SALL1: variants seen among roughly 807,000 people sequenced by gnomAD.
The protein encoded by SALL1 is spalt like transcription factor 1.
A neutral mutation model predicts 73.1 loss-of-function variants in SALL1; 10 were observed. That is an observed-to-expected ratio of 0.14 (90% CI 0.08 to 0.23). The LOEUF is 0.23. SALL1 is among the 10% of genes least tolerant of loss of function. The probability of loss-of-function intolerance (pLI) is 1.00; values close to 1 mark genes in which losing one functional copy is unlikely to be tolerated. For missense variants in SALL1, 1,520 were observed against 1,697.3 expected, an observed-to-expected ratio of 0.90 and a Z score of 1.84; for synonymous variants, 688 against 689.8, an observed-to-expected ratio of 1.00 and a Z score of 0.04.
chr16:51,150,898 C>T, intron 1 of SALL1: 1 of 371,626 alleles, frequency 2.7e-6, no homozygotes, highest in East Asian at 4.0e-5. Context: ...CCGGCATGCC[C>T]GCCCTCCTTC....
At chr16:51,142,272 C>A (rs1025824232) in intron 1 of SALL1, 127 bp from the exon 2 acceptor site, 8 of 740,206 alleles carry the variant, frequency 1.1e-5, no homozygotes, top group Admixed American at 2.2e-5. Context: ...CCCTTGAAAA[C>A]CAATCAATAT....
At position 51,136,348 on chromosome 16, in the gene SALL1, T is replaced by C. The variant is rs1962297521; in HGVS notation, c.*764A>G. 6.5e-6 allele frequency: 1 copy of C among 152,696 alleles called. No homozygotes were observed. Among genetic ancestry groups the C allele is most frequent in the Admixed American group, 6.5e-5 (1 of 15,288 alleles). 9.5% of individuals were successfully genotyped at this position (152,696 alleles called of 1,614,324 possible). ...CAGCACACATTTTCTATCGTGAATA[T>C]ACCTACAAGGCAAAATGTTACGTCT... On this transcript the variant is annotated 3_prime_UTR_variant, in exon 3 of 3. Coordinates refer to ENST00000251020, the MANE Select transcript of SALL1 (RefSeq NM_002968.3).
intron 1 of SALL1, among the ~76,000 whole-genome samples, chr16:51,144,109 A>G (rs1471183378): frequency 1.3e-5 from 2 of 152,218 alleles, no homozygotes; most frequent in Non-Finnish European, 2.9e-5. Context: ...GACAAAAATA[A>G]TGTGACAAAA....
rs79302764 is a variant in SALL1 at position 51,141,022 on chromosome 16, C to T, written c.1200G>A (p.Ser400=). Residue 400 remains serine (S), a synonymous_variant, in exon 2 of 3, where the codon TCG becomes TCA. Transcript: ENST00000251020. This position sits in a 1 kb window ranked among gnomAD's most constrained non-coding sequence, Gnocchi z 5.4. ...PLLPQQASAN[S]VFPSPLPNIG... ...TGTTGGGCAAAGGGCTGGGGAAAAC[C>T]GAGTTAGCGGAGGCTTGCTGAGGTA... The T allele has an allele frequency of 3.8e-4, 616 of 1,614,146 alleles. 4 individuals are homozygous for T. The highest frequency in any genetic ancestry group is 2.0e-3 in the South Asian group (181 of 91,078).
In SALL1 at chr16:51,140,646, T is replaced by C; in HGVS notation, c.1576A>G (p.Ile526Val). ...HLDNIPTSTGIPYGMSIPPEK... is the reference protein window; with the variant it reads ...HLDNIPTSTGVPYGMSIPPEK... Reference sequence around the variant, plus strand: ...GGAGGGATGGACATGCCATATGGGATGCCAGTACTCGTGGGGATATTGTCC... The same window carrying C: ...GGAGGGATGGACATGCCATATGGGACGCCAGTACTCGTGGGGATATTGTCC... Residue 526 changes from isoleucine (I) to valine (V), a missense_variant, in exon 2 of 3, where the codon ATC becomes GTC. Ile to Val is a conservative substitution (Grantham distance 29). Transcript: ENST00000251020. The surrounding 1 kb of genome is among the most constrained non-coding windows in gnomAD (Gnocchi z 5.7). The C allele has an allele frequency of 1.2e-6, 2 of 1,614,142 alleles. No homozygotes were observed. Among genetic ancestry groups the C allele is most frequent in the South Asian group, 1.1e-5 (1 of 91,080 alleles).
chr16:51,137,171 C>T lies in SALL1; in HGVS notation c.3916G>A (p.Gly1306Arg), dbSNP rs764325910. The T allele has an allele frequency of 5.0e-6, 8 of 1,613,986 alleles. No homozygotes were observed. Among genetic ancestry groups the T allele is most frequent in the South Asian group, 2.2e-5 (2 of 91,078 alleles). The change falls in exon 3 of 3, where the codon GGA (glycine) becomes AGA (arginine). Residue 1306 changes from glycine (G) to arginine (R), a missense_variant. By Grantham distance (125) the Gly-to-Arg change is moderately radical. Coordinates refer to ENST00000251020, the MANE Select transcript of SALL1 (RefSeq NM_002968.3). ...GLEKMASSEN[G>R]TNFRFTRFVE... Reference sequence around the variant, plus strand: ...AAGCGGGTGAAGCGGAAGTTGGTTCCGTTCTCACTGCTTGCCATTTTCTCC... The same window carrying T: ...AAGCGGGTGAAGCGGAAGTTGGTTCTGTTCTCACTGCTTGCCATTTTCTCC...
rs1962372976 is a variant in SALL1 at position 51,139,502 on chromosome 16, C to A, written c.2720G>T (p.Gly907Val). Residue 907 changes from glycine to valine, a missense_variant, in exon 2 of 3, where the codon GGT becomes GTT. By Grantham distance (109) the Gly-to-Val change is moderately radical (BLOSUM62 -3). Transcript: ENST00000251020. Reference sequence around the variant, plus strand: ...GCCAGCACTTTGGCTTTCCATGTCACCACCCACTGAGGATGAATCATTGGT... The same window carrying A: ...GCCAGCACTTTGGCTTTCCATGTCAACACCCACTGAGGATGAATCATTGGT... ...VLTNDSSSVG[G>V]DMESQSAGSP... is the part of the protein sequence containing the mutation. The A allele has an allele frequency of 6.2e-7, 1 of 1,614,098 alleles. No individual in the cohort carries two copies. Among genetic ancestry groups the A allele is most frequent in the Non-Finnish European group, 8.5e-7 (1 of 1,180,052 alleles).
At position 51,138,986 on chromosome 16, in the gene SALL1, T is replaced by G; in HGVS notation, c.3236A>C (p.Asn1079Thr). The G allele has an allele frequency of 6.2e-7, 1 of 1,614,044 alleles. No homozygotes were observed. The highest frequency in any genetic ancestry group is 8.5e-7 in the Non-Finnish European group (1 of 1,180,032). Residue 1079 changes from asparagine to threonine, a missense_variant, in exon 2 of 3, where the codon AAC becomes ACC. By Grantham distance (65) the Asn-to-Thr change is moderately conservative (BLOSUM62 0). Coordinates refer to ENST00000251020, the MANE Select transcript of SALL1 (RefSeq NM_002968.3). ...PNQNSAVIPA[N>T]SLSSLIKTEV... ...TGTCTTGATGAGAGATGACAACGAG[T>G]TGGCGGGAATCACCGCTGAGTTCTG...
chr16:51,151,672 C>T (rs1962611754), upstream of SALL1, among the ~76,000 whole-genome samples: 1 of 151,428 alleles, frequency 6.6e-6, no homozygotes, highest in African/African-American at 2.4e-5. Flanking sequence ...GCCTCCTCTC[C>T]ACTGCGGGCC....
intron 2 of SALL1, 72 bp from the exon 3 acceptor site, chr16:51,137,624 T>G: frequency 8.4e-7 from 1 of 1,186,228 alleles, no homozygotes; most frequent in Non-Finnish European, 1.2e-6. Flanking sequence ...GAGAGAAGCT[T>G]AATAGCTGAA....
chr16:51,142,219 A>G (rs1962454425), intron 1 of SALL1, 74 bp from the exon 2 acceptor site: 2 of 1,203,564 alleles, frequency 1.7e-6, no homozygotes, highest in East Asian at 4.6e-5. Flanking sequence ...AAAAAAAAAA[A>G]GGCTAATCAA....
At chr16:51,137,588 G>C in intron 2 of SALL1, 36 bp from the exon 3 acceptor site, 1 of 1,513,394 alleles carries the variant, frequency 6.6e-7, no homozygotes, top group Non-Finnish European at 9.1e-7. Flanking sequence ...GAGACAGAGA[G>C]AGAGAGAGAA....
intron 1 of SALL1, chr16:51,149,389 C>T (rs540827189): frequency 6.6e-6 from 1 of 152,098 alleles, no homozygotes; most frequent in Non-Finnish European, 1.5e-5. Flanking sequence ...AAAGGTCTCA[C>T]CAGAAACTTT....
intron 1 of SALL1, among the ~76,000 whole-genome samples, chr16:51,147,524 G>T (rs575386318): frequency 6.6e-6 from 1 of 152,104 alleles, no homozygotes; most frequent in African/African-American, 2.4e-5. Context: ...TTGCTATGAA[G>T]CTGCTCAAAA....
rs758917972 is a variant in SALL1 at position 51,137,395 on chromosome 16, G to A, written c.3692C>T (p.Ser1231Phe). 6.2e-7 allele frequency: 1 copy of A among 1,614,170 alleles called. No homozygotes were observed. The highest frequency in any genetic ancestry group is 1.1e-5 in the South Asian group (1 of 91,066). ...LAARSGSGDPSSFWNQYAAAL... is the reference protein window; with the variant it reads ...LAARSGSGDPFSFWNQYAAAL... Reference sequence around the variant, plus strand: ...TGCTGCATACTGATTCCAGAAGCTGGAAGGATCCCCACTTCCTGATCTTGC... The same window carrying A: ...TGCTGCATACTGATTCCAGAAGCTGAAAGGATCCCCACTTCCTGATCTTGC... The change falls in exon 3 of 3, where the codon TCC becomes TTC. Residue 1231 changes from serine to phenylalanine, a missense_variant. Physicochemically the swap from Ser to Phe is radical, Grantham distance 155. Around this residue, in one of 7 missense-constraint regions of SALL1, gnomAD observed 318 missense variants for 357.1 expected, o/e 0.89. Coordinates refer to ENST00000251020, the MANE Select transcript of SALL1 (RefSeq NM_002968.3).
At chr16:51,146,850 T>A (rs1015102328) in intron 1 of SALL1, among the ~76,000 whole-genome samples, 4 of 152,184 alleles carry the variant, frequency 2.6e-5, no homozygotes, top group African/African-American at 9.7e-5. Flanking sequence ...TTTGGTTAAC[T>A]TTCCACCTCT....
In SALL1 at chr16:51,139,368, C is replaced by T. The variant is rs750798699; in HGVS notation, c.2854G>A (p.Val952Ile). 4.3e-6 allele frequency: 7 copies of T among 1,614,120 alleles called. No homozygotes were observed. Among genetic ancestry groups the T allele is most frequent in the Non-Finnish European group, 4.2e-6 (5 of 1,180,022 alleles). ...PSIEEKPQRA[V>I]PSEFANGLSP... ...AAACCATTGGCAAACTCGCTTGGGA[C>T]CGCTCTCTGTGGTTTCTCCTCAATG... is the stretch of plus-strand genomic sequence containing the variant. Residue 952 changes from valine to isoleucine, a missense_variant, in exon 2 of 3, where the codon GTC (valine) becomes ATC (isoleucine). Val to Ile is a conservative substitution (Grantham distance 29, BLOSUM62 3). Around this residue, in one of 7 missense-constraint regions of SALL1, gnomAD observed 266 missense variants for 275.1 expected, o/e 0.97. Transcript: ENST00000251020.
rs1182192013 is a variant in SALL1 at position 51,141,939 on chromosome 16, C to T, written c.283G>A (p.Asp95Asn). 2 of 1,611,840 alleles carry T rather than the reference C, an allele frequency of 1.2e-6. No homozygotes were observed. Among genetic ancestry groups the T allele is most frequent in the East Asian group, 4.5e-5 (2 of 44,882 alleles). The change falls in exon 2 of 3, where the codon GAT (aspartate) becomes AAT (asparagine). Residue 95 changes from aspartate (D) to asparagine (N), a missense_variant. Asp to Asn is a conservative substitution (Grantham distance 23). Transcript: ENST00000251020. The surrounding 1 kb of genome is among the most constrained non-coding windows in gnomAD (Gnocchi z 5.4). The stretch of plus-strand genomic sequence containing the variant: ...TTAACTGTGTCATTCATTTGTTCAT[C>T]AGGATTATCAGGAGGGGGGCTGGGG... The part of the protein sequence containing the change: ...FSPSPPPDNP[D>N]EQMNDTVNKT...
In SALL1 at chr16:51,137,468, C is replaced by G. The variant is rs1452154325; in HGVS notation, c.3619G>C (p.Gly1207Arg). 7 of 1,613,942 alleles carry G rather than the reference C, an allele frequency of 4.3e-6. No individual in the cohort carries two copies. The highest frequency in any genetic ancestry group is 5.9e-6 in the Non-Finnish European group (7 of 1,179,968). ...LSVDGPMTFL[G>R]GNPVKFPEMF... is the part of the protein sequence containing the mutation. ...TCTGGGAACTTGACGGGATTGCCTCCTAGAAATGTCATGGGGCCATCCACA... is the reference window on the plus strand; with the variant it reads ...TCTGGGAACTTGACGGGATTGCCTCGTAGAAATGTCATGGGGCCATCCACA... The change falls in exon 3 of 3, where the codon GGA becomes CGA. Residue 1207 changes from glycine (G) to arginine (R), a missense_variant. Physicochemically the swap from Gly to Arg is moderately radical, Grantham distance 125. Around this residue, in one of 7 missense-constraint regions of SALL1, gnomAD observed 318 missense variants for 357.1 expected, o/e 0.89. Coordinates refer to ENST00000251020, the MANE Select transcript of SALL1 (RefSeq NM_002968.3).
Sources: allele counts gnomAD v4.1 joint callset (sites outside exome capture counted in the v4.1 genomes callset), GRCh38; gene constraint gnomAD v4.1.1; regional missense constraint gnomAD v4.1.1; non-coding constraint Gnocchi (gnomAD v3.1); transcripts MANE v1.5; gene names NCBI Gene and HGNC (gene_info 2026-07-23, HGNC 2026-07-21).